Variants in PIAS2 observed in about 807,000 individuals in gnomAD.
PIAS2 encodes E3 SUMO-protein ligase PIAS2.
In PIAS2, 19 loss-of-function variants were observed where a neutral mutation model predicts 69.7. The ratio of observed to expected loss-of-function variants is 0.27; its 90% confidence interval spans 0.19 to 0.40. The LOEUF (loss-of-function observed/expected upper bound fraction) is 0.40. Among genes scored for constraint, PIAS2 ranks in the 10% least tolerant of loss-of-function variants. PIAS2 has a pLI of 1.00. For synonymous variants in PIAS2, 261 were observed against 263.2 expected, an observed-to-expected ratio of 0.99 and a Z score of 0.08; for missense variants, 624 against 757.0, an observed-to-expected ratio of 0.82 and a Z score of 2.06.
chr18:46,857,378 A>C (rs968974684), intron 3 of PIAS2, among the ~76,000 whole-genome samples: 1 of 152,266 alleles, frequency 6.6e-6, no homozygotes, highest in Non-Finnish European at 1.5e-5. Context: ...TACATTATAA[A>C]AAGTAAGTGC....
intron 7 of PIAS2, 64 bp downstream of exon 7, chr18:46,844,670 G>A: frequency 1.8e-6 from 1 of 556,650 alleles, no homozygotes; most frequent in Non-Finnish European, 3.0e-6. Flanking sequence ...AAGCATTAAA[G>A]TATCTCATAT....
Position 46,811,953 on chromosome 18 carries a change from G to A in PIAS2, c.*480C>T, listed in dbSNP as rs947991884. 2 of 152,302 alleles carry A rather than the reference G, an allele frequency of 1.3e-5. No individual in the cohort carries two copies. The highest frequency in any genetic ancestry group is 2.4e-5 in the African/African-American group (1 of 41,398). The allele number at this position is 152,302 out of a possible 1,614,324, so 9.4% of individuals were successfully genotyped here. A position where few individuals can be genotyped will look rare whatever the true frequency, so the allele number is the denominator to read the frequency against. ...TCAATGAAACAGAGCAAATCTCCAT[G>A]GAAAGGACTCATTCAGCAAACATTA... On this transcript the variant is annotated 3_prime_UTR_variant, in exon 14 of 14. Transcript: ENST00000585916.
At chr18:46,903,308 T>A (rs2056155062) in intron 1 of PIAS2, among the ~76,000 whole-genome samples, 2 of 151,942 alleles carry the variant, frequency 1.3e-5, no homozygotes, top group Admixed American at 1.3e-4. Flanking sequence ...TGCAAACACA[T>A]ATCTGACAAA....
intron 1 of PIAS2, chr18:46,905,843 T>A (rs1398521464): frequency 6.6e-6 from 1 of 152,148 alleles, no homozygotes; most frequent in Non-Finnish European, 1.5e-5. Context: ...ACTAAATATT[T>A]AAGAAACAGA....
In PIAS2 at chr18:46,917,374, C is replaced by G. The variant is rs1419934496; in HGVS notation, c.-29G>C. 6.9e-6 allele frequency: 10 copies of G among 1,455,656 alleles called. No homozygotes were observed. Among genetic ancestry groups the G allele is most frequent in the African/African-American group, 4.5e-5 (3 of 67,084 alleles). The allele number at this position is 1,455,656 out of a possible 1,614,324, so 90.2% of individuals were successfully genotyped here. ...ATACCACCCGCGGGCGCCGCCGCCG[C>G]TGCCGCCGCACCCACTCCCGCTGCC... On this transcript the variant is annotated 5_prime_UTR_variant, in exon 1 of 14. Coordinates refer to ENST00000585916, the MANE Select transcript of PIAS2 (RefSeq NM_004671.5).
At chr18:46,890,553 G>A in intron 2 of PIAS2, 27 bp downstream of exon 2, 1 of 1,374,318 alleles carries the variant, frequency 7.3e-7, no homozygotes, top group East Asian at 2.3e-5. Context: ...ATCTTGTTCA[G>A]AAGAAACTGA....
At chr18:46,859,371 T>A (rs1031755082) in intron 3 of PIAS2, among the ~76,000 whole-genome samples, 4 of 135,196 alleles carry the variant, frequency 3.0e-5, no homozygotes, top group Non-Finnish European at 4.5e-5. Context: ...GAGCTTGCAG[T>A]GAGCCAAGAT....
intron 8 of PIAS2, among the ~76,000 whole-genome samples, chr18:46,838,791 A>G (rs1453581734): frequency 6.6e-6 from 1 of 152,188 alleles, no homozygotes; most frequent in East Asian, 1.9e-4. Flanking sequence ...GGTTAAAACC[A>G]CACACTCACT....
At chr18:46,855,280 T>C (rs1330938922) in intron 5 of PIAS2, 65 bp downstream of exon 5, 4 of 998,220 alleles carry the variant, frequency 4.0e-6, no homozygotes, top group Non-Finnish European at 6.2e-6. Context: ...GTTGCACTGT[T>C]TCTAGGCCTT....
intron 1 of PIAS2, among the ~76,000 whole-genome samples, chr18:46,914,626 C>T (rs2057617910): frequency 6.7e-6 from 1 of 149,916 alleles, no homozygotes; most frequent in South Asian, 2.1e-4. Flanking sequence ...CCAAACCACA[C>T]TGAGGATTAC....
At chr18:46,816,105 T>C in intron 12 of PIAS2, 1 of 984,950 alleles carries the variant, frequency 1.0e-6, no homozygotes, top group Middle Eastern at 5.2e-4. Flanking sequence ...CCTGTGTGAC[T>C]AAACTCTCTT....
intron 2 of PIAS2, among the ~76,000 whole-genome samples, chr18:46,883,179 ACT>A (rs1366198507): frequency 4.0e-5 from 6 of 151,722 alleles, no homozygotes; most frequent in African/African-American, 9.7e-5. Context: ...ACTTGATATG[ACT>A]CTAGCTGAGC....
intron 3 of PIAS2, among the ~76,000 whole-genome samples, chr18:46,863,112 T>A (rs1466237554): frequency 6.6e-6 from 1 of 152,168 alleles, no homozygotes; most frequent in Non-Finnish European, 1.5e-5. Flanking sequence ...TACCAATACT[T>A]TTCATAATTG....
intron 8 of PIAS2, among the ~76,000 whole-genome samples, chr18:46,840,740 G>A (rs1238372264): frequency 1.3e-5 from 2 of 152,162 alleles, no homozygotes; most frequent in Admixed American, 6.5e-5. Flanking sequence ...GGACCTGAAT[G>A]TGCCACCAAA....
chr18:46,836,105 T>G, intron 9 of PIAS2: 1 of 304,378 alleles, frequency 3.3e-6, no homozygotes, highest in Non-Finnish European at 6.2e-6. Flanking sequence ...GTGGGCTTTA[T>G]AAAATATAAT....
intron 12 of PIAS2, chr18:46,817,002 G>A (rs900144409): frequency 1.1e-6 from 1 of 927,722 alleles, no homozygotes; most frequent in Admixed American, 6.2e-5. Context: ...AATACCTTCA[G>A]AGTTTTGCAT....
chr18:46,899,621 C>T (rs1412377182), intron 1 of PIAS2, among the ~76,000 whole-genome samples: 1 of 152,174 alleles, frequency 6.6e-6, no homozygotes, highest in Admixed American at 6.5e-5. Context: ...GCACACACCA[C>T]CATGCCTGCT....
Position 46,864,216 on chromosome 18 carries a change from A to C in PIAS2, c.532T>G (p.Phe178Val). ...QSSIQRFQEK[F>V]FIFALTPQQV... is the part of the protein sequence containing the mutation. Reference sequence around the variant, plus strand: ...TGAGGTGTCAAAGCAAAAATAAAAAACTTCTCTTGAAATCGCTGAATACTG... The same window carrying C: ...TGAGGTGTCAAAGCAAAAATAAAAACCTTCTCTTGAAATCGCTGAATACTG... Residue 178 changes from phenylalanine to valine, a missense_variant, in exon 3 of 14, where the codon TTT becomes GTT. Physicochemically the swap from Phe to Val is conservative, Grantham distance 50. Around this residue, in one of 3 missense-constraint regions of PIAS2, gnomAD observed 339 missense variants for 408.8 expected, o/e 0.83. Coordinates refer to ENST00000585916, the MANE Select transcript of PIAS2 (RefSeq NM_004671.5). 1 of 1,598,868 alleles carries C rather than the reference A, an allele frequency of 6.3e-7. No homozygotes were observed. Among genetic ancestry groups the C allele is most frequent in the Non-Finnish European group, 8.5e-7 (1 of 1,173,224 alleles).
intron 10 of PIAS2, among the ~76,000 whole-genome samples, chr18:46,828,424 C>T (rs1184166120): frequency 2.0e-5 from 3 of 152,186 alleles, no homozygotes; most frequent in Non-Finnish European, 4.4e-5. Flanking sequence ...TTGTGCAGCT[C>T]CTACTGCTCA....
Sources: gnomAD v4.1 joint callset for allele counts (sites outside exome capture counted in the v4.1 genomes callset) on GRCh38, gnomAD v4.1.1 for gene constraint, gnomAD v4.1.1 regional missense constraint, MANE v1.5 for transcripts, NCBI Gene and HGNC (gene_info 2026-07-23, HGNC 2026-07-21) for gene names.